The following XXYLT1 variants were observed in gnomAD, a reference collection of about 807,000 sequenced individuals.
XXYLT1 encodes the protein UDP-xylose:alpha-xyloside alpha-1,3-xylosyltransferase.
A neutral mutation model predicts 28.9 loss-of-function variants in XXYLT1; 20 were observed. The observed-to-expected ratio is 0.69, with a 90% CI of 0.49 to 1.00. The LOEUF is 1.00. XXYLT1 is among the 50% of genes least tolerant of loss of function. The pLI, the probability that XXYLT1 is intolerant of heterozygous loss-of-function variation, is 0.00. For missense variants in XXYLT1, 542 were observed against 560.1 expected, an observed-to-expected ratio of 0.97 and a Z score of 0.33; for synonymous variants, 257 against 253.8, an observed-to-expected ratio of 1.01 and a Z score of -0.12.
chr3:195,074,146 G>A (rs557583903), intron 3 of XXYLT1, among the ~76,000 whole-genome samples: 1 of 152,306 alleles, frequency 6.6e-6, no homozygotes, highest in East Asian at 1.9e-4. Context: ...CCACCTCCAA[G>A]AGGGAGGAAG....
rs1431811816 is a variant in XXYLT1, at chr3:195,256,988, G to A, written c.504+13567C>T. On this transcript the variant is annotated intron_variant, in intron 1 of 3. Coordinates refer to ENST00000310380, the MANE Select transcript of XXYLT1 (RefSeq NM_152531.5). This position sits in a 1 kb window ranked among gnomAD's most constrained non-coding sequence, Gnocchi z 4.2. Reference sequence around the variant, plus strand: ...CAGCATTTCTTCATGGTAATGCAAGGGGGACAGTTCCAAAACCCAAAACAC... The same window carrying A: ...CAGCATTTCTTCATGGTAATGCAAGAGGGACAGTTCCAAAACCCAAAACAC... Among the ~76,000 whole-genome samples, 2 of 152,214 alleles carry A rather than the reference G, an allele frequency of 1.3e-5. No homozygotes were observed. The highest frequency in any genetic ancestry group is 2.1e-4 in the South Asian group (1 of 4,832).
At chr3:195,266,996 G>C (rs1259458338) in intron 1 of XXYLT1, among the ~76,000 whole-genome samples, 1 of 152,208 alleles carries the variant, frequency 6.6e-6, no homozygotes, top group Non-Finnish European at 1.5e-5. Flanking sequence ...TAAACTAACA[G>C]ATTAATTAAA....
At chr3:195,161,739 A>C (rs1196790026) in intron 2 of XXYLT1, among the ~76,000 whole-genome samples, 2 of 151,232 alleles carry the variant, frequency 1.3e-5, no homozygotes, top group African/African-American at 4.9e-5. Flanking sequence ...GGTTCAAGCA[A>C]TTCTCCTGCC....
chr3:195,247,232 TC>T lies in XXYLT1; in HGVS notation c.505-20377del, dbSNP rs147927226. Among the ~76,000 whole-genome samples the T allele has an allele frequency of 7.1e-3, 1,077 of 152,302 alleles. 14 individuals carry two copies. Among genetic ancestry groups the T allele is most frequent in the African/African-American group, 0.025 (1,040 of 41,560 alleles). ...ATGGGAGAAGAGGGCGAACGGCCGT[TC>T]CAGGATTTCACTGTGAAATCTGAGG... On this transcript the variant is annotated intron_variant, in intron 1 of 3. Transcript: ENST00000310380.
intron 2 of XXYLT1, among the ~76,000 whole-genome samples, chr3:195,178,471 G>A (rs1389569503): frequency 2.6e-5 from 4 of 152,156 alleles, no homozygotes; most frequent in East Asian, 1.9e-4. Context: ...AATGTGGAGC[G>A]GCCACAACAA....
intron 3 of XXYLT1, among the ~76,000 whole-genome samples, chr3:195,073,875 G>A (rs113057233): frequency 2.1e-4 from 32 of 152,334 alleles, no homozygotes; most frequent in African/African-American, 7.5e-4. Context: ...GGCATCTGAA[G>A]TCATTTGGAA....
intron 2 of XXYLT1, among the ~76,000 whole-genome samples, chr3:195,224,655 C>A (rs138758053): frequency 6.6e-6 from 1 of 152,292 alleles, no homozygotes; most frequent in African/African-American, 2.4e-5. Flanking sequence ...TGGGCAGGAA[C>A]CTGACAGCTG....
At chr3:195,087,142 C>G (rs1000984752) in intron 3 of XXYLT1, 3 of 152,332 alleles carry the variant, frequency 2.0e-5, no homozygotes, top group African/African-American at 7.2e-5. Flanking sequence ...GACACGCCAC[C>G]GTCTCTCCAG....
intron 2 of XXYLT1, among the ~76,000 whole-genome samples, chr3:195,162,096 CAA>C (rs34348051): frequency 6.7e-4 from 64 of 94,914 alleles, no homozygotes; most frequent in Non-Finnish European, 6.4e-4. Flanking sequence ...GGCCCTGTTT[CAA>C]AAAAAAAAAA....
In XXYLT1 at chr3:195,232,592, T is replaced by C. The variant is rs187840888; in HGVS notation, c.505-5736A>G. Among the ~76,000 whole-genome samples, 614 of 152,304 alleles carry C rather than the reference T, an allele frequency of 4.0e-3. 4 individuals carry two copies. Among genetic ancestry groups the C allele is most frequent in the African/African-American group, 0.013 (538 of 41,564 alleles). On this transcript the variant is annotated intron_variant, in intron 1 of 3. Coordinates refer to ENST00000310380, the MANE Select transcript of XXYLT1 (RefSeq NM_152531.5). ...TGGTATGTTGTGTTTCTATTATCAT[T>C]TGTTTCAAGAAATTTTTCAATTTCT...
chr3:195,220,186 G>A (rs539267088), intron 2 of XXYLT1, among the ~76,000 whole-genome samples: 4 of 150,478 alleles, frequency 2.7e-5, no homozygotes, highest in Non-Finnish European at 4.5e-5. Context: ...CTGTTACCCC[G>A]GCTGGAGTAC....
intron 3 of XXYLT1, among the ~76,000 whole-genome samples, chr3:195,109,597 TGTGTG>T (rs1717357065): frequency 1.3e-5 from 1 of 75,462 alleles, no homozygotes; most frequent in Non-Finnish European, 3.1e-5. Context: ...AGTGCACGTG[TGTGTG>T]GTGTGTGTTG....
At chr3:195,187,402 C>T (rs1722248811) in intron 2 of XXYLT1, among the ~76,000 whole-genome samples, 1 of 152,212 alleles carries the variant, frequency 6.6e-6, no homozygotes, top group African/African-American at 2.4e-5. Context: ...ACTGTCTCTT[C>T]TGTGTCCCTT....
At chr3:195,219,862 C>G (rs1723743516) in intron 2 of XXYLT1, among the ~76,000 whole-genome samples, 1 of 152,174 alleles carries the variant, frequency 6.6e-6, no homozygotes, top group African/African-American at 2.4e-5. Flanking sequence ...GCTGGCTTTG[C>G]TGTTCTTTTC....
chr3:195,233,982 T>C (rs2108812663), intron 1 of XXYLT1, among the ~76,000 whole-genome samples: 1 of 152,264 alleles, frequency 6.6e-6, no homozygotes, highest in East Asian at 1.9e-4. Context: ...AGTGGTGCGA[T>C]CTCGGGTCAC....
rs116721271 is a variant in XXYLT1, at chr3:195,257,521, C to A, written c.504+13034G>T. 3.9e-5 allele frequency among the ~76,000 whole-genome samples: 6 copies of A among 152,286 alleles called. No homozygotes were observed. The highest frequency in any genetic ancestry group is 1.4e-4 in the African/African-American group (6 of 41,552). On this transcript the variant is annotated intron_variant, in intron 1 of 3. Transcript: ENST00000310380. This position sits in a 1 kb window ranked among gnomAD's most constrained non-coding sequence, Gnocchi z 4.3. ...AGGAATGGGTGATCCGGGGAAGAAGCCCCTGAGCAAAGTCCCAGAGATGGG... is the reference window on the plus strand; with the variant it reads ...AGGAATGGGTGATCCGGGGAAGAAGACCCTGAGCAAAGTCCCAGAGATGGG...
Position 195,172,982 on chromosome 3 carries a change from C to T in XXYLT1, c.653-16401G>A, listed in dbSNP as rs1474719437. Among the ~76,000 whole-genome samples the T allele has an allele frequency of 2.0e-5, 3 of 152,290 alleles. No individual in the cohort carries two copies. In the South Asian group the frequency reaches 6.2e-4, roughly 32 times the overall value. On this transcript the variant is annotated intron_variant, in intron 2 of 3. Coordinates refer to ENST00000310380, the MANE Select transcript of XXYLT1 (RefSeq NM_152531.5). ...GTGGCTAGAGAGCTAGGTGGACACA[C>T]CTGATCGGGTGAGGGGCTTTAGGCA...
At chr3:195,170,922 A>C (rs534140996) in intron 2 of XXYLT1, among the ~76,000 whole-genome samples, 9 of 152,132 alleles carry the variant, frequency 5.9e-5, no homozygotes, top group Non-Finnish European at 1.0e-4. Context: ...CAGCCTCAGA[A>C]ATAGGTGAGG....
At chr3:195,235,014 A>G (rs1724474119) in intron 1 of XXYLT1, among the ~76,000 whole-genome samples, 1 of 149,786 alleles carries the variant, frequency 6.7e-6, no homozygotes, top group Admixed American at 6.7e-5. Context: ...CATTGAGGCA[A>G]TTTTCCAGAT....
Sources: allele counts gnomAD v4.1 joint callset (sites outside exome capture counted in the v4.1 genomes callset), GRCh38; gene constraint gnomAD v4.1.1; non-coding constraint Gnocchi (gnomAD v3.1); transcripts MANE v1.5; gene names NCBI Gene and HGNC (gene_info 2026-07-23, HGNC 2026-07-21).